TMEM40: variants seen among roughly 807,000 people sequenced by gnomAD.
TMEM40 encodes transmembrane protein 40.
Under a neutral mutation model 40.8 loss-of-function variants are expected in TMEM40, and 34 were observed. The observed-to-expected ratio is 0.83, with a 90% CI of 0.63 to 1.11. The LOEUF is 1.11. Among genes scored for constraint, TMEM40 ranks in the 50% least tolerant of loss-of-function variants. TMEM40 has a pLI of 0.00. For synonymous variants in TMEM40, 106 were observed against 107.0 expected (o/e 0.99, Z 0.06); for missense variants, 296 against 280.2 (o/e 1.06, Z -0.40).
chr3:12,764,592 C>T (rs1051079111), intron 1 of TMEM40, among the ~76,000 whole-genome samples: 4 of 152,192 alleles, frequency 2.6e-5, no homozygotes, highest in African/African-American at 9.7e-5. Flanking sequence ...GTAGCTGATG[C>T]CATTTGAGAT....
rs1478195184 is a variant in TMEM40, at chr3:12,737,756, T to C, written c.425-2A>G. ...TTAACTGAGAGGCCTCCACTTCTCC[T>C]TAAGAACAAGAGAGAGATGAATATT... On this transcript the variant is annotated splice_acceptor_variant, in intron 7 of 11. Transcript: ENST00000314124. LOFTEE classifies it high-confidence loss of function. 2.5e-6 allele frequency: 4 copies of C among 1,613,798 alleles called. No homozygotes were observed. In the East Asian group the frequency reaches 8.9e-5, roughly 36 times the overall value.
In TMEM40 at chr3:12,735,337, C is replaced by T. The variant is rs548221963; in HGVS notation, c.682+218G>A. ...TTCCTCACTTGATCTTCACAACACA[C>T]TTGTGCAGCAGAAAAGTATTACACC... On this transcript the variant is annotated intron_variant, in intron 11 of 11. Transcript: ENST00000314124. Among the ~76,000 whole-genome samples, 497 of 152,350 alleles carry T rather than the reference C, an allele frequency of 3.3e-3. 2 individuals are homozygous for T. Among genetic ancestry groups the T allele is most frequent in the Non-Finnish European group, 5.7e-3 (388 of 68,036 alleles).
chr3:12,740,450 C>T (rs2061373367), intron 5 of TMEM40, among the ~76,000 whole-genome samples: 1 of 151,184 alleles, frequency 6.6e-6, no homozygotes, highest in African/African-American at 2.4e-5. Context: ...GCCTCTAATC[C>T]CAGCACTTTG....
At chr3:12,743,747 T>G (rs1488582246) in intron 4 of TMEM40, among the ~76,000 whole-genome samples, 153 bp downstream of exon 4, 2 of 152,222 alleles carry the variant, frequency 1.3e-5, no homozygotes, top group Non-Finnish European at 2.9e-5. Flanking sequence ...CAGGGCAGGG[T>G]GTAGCATCCT....
chr3:12,758,145 G>C (rs529519455), intron 1 of TMEM40, among the ~76,000 whole-genome samples: 1 of 151,738 alleles, frequency 6.6e-6, no homozygotes, highest in African/African-American at 2.4e-5. Context: ...ATAAGGCAGG[G>C]AGCAGGGCAG....
intron 10 of TMEM40, among the ~76,000 whole-genome samples, chr3:12,736,149 ATT>A (rs553779357): frequency 2.1e-5 from 3 of 141,012 alleles, no homozygotes; most frequent in Non-Finnish European, 1.5e-5. Flanking sequence ...GCATAAGGAA[ATT>A]TTTTTTTTTT....
chr3:12,742,390 C>T (rs1284985967), intron 5 of TMEM40, 64 bp downstream of exon 5: 3 of 1,577,340 alleles, frequency 1.9e-6, no homozygotes, highest in Middle Eastern at 1.7e-4. Flanking sequence ...CTTGTTTCTG[C>T]CCAGCAAAGC....
upstream of TMEM40, among the ~76,000 whole-genome samples, chr3:12,760,744 ATT>A (rs568688148): frequency 8.3e-5 from 12 of 144,030 alleles, no homozygotes; most frequent in East Asian, 2.0e-4. Flanking sequence ...GTGCTCACTA[ATT>A]TTTTTTTTTT....
At chr3:12,743,855 G>A (rs1575734902) in intron 4 of TMEM40, 45 bp downstream of exon 4, 19 of 1,574,692 alleles carry the variant, frequency 1.2e-5, no homozygotes, top group African/African-American at 2.7e-5. Flanking sequence ...GAAACTCAAC[G>A]GTGAGCGAGT....
upstream of TMEM40, among the ~76,000 whole-genome samples, chr3:12,763,644 C>G (rs966452314): frequency 6.6e-6 from 1 of 152,154 alleles, no homozygotes. Flanking sequence ...GACAGCTCAG[C>G]CTCAGTCTCC....
chr3:12,755,276 T>TTTCTTTCTTTCC (rs2061518456), intron 1 of TMEM40, among the ~76,000 whole-genome samples: 1 of 127,742 alleles, frequency 7.8e-6, no homozygotes, highest in Non-Finnish European at 1.6e-5. Context: ...TCTTTCTTTC[T>TTTCTTTCTTTCC]TTCTTTCTTC....
intron 1 of TMEM40, among the ~76,000 whole-genome samples, chr3:12,755,889 A>G (rs183508718): frequency 6.6e-6 from 1 of 152,220 alleles, no homozygotes; most frequent in Non-Finnish European, 1.5e-5. Flanking sequence ...CTTTCACTGA[A>G]TCAGCCCCCT....
intron 7 of TMEM40, 171 bp downstream of exon 7, chr3:12,737,965 T>C (rs965717388): frequency 3.0e-6 from 3 of 1,001,288 alleles, no homozygotes; most frequent in Middle Eastern, 2.3e-4. Context: ...CGAGTCTGCC[T>C]TCCTTTCCAT....
intron 3 of TMEM40, among the ~76,000 whole-genome samples, chr3:12,745,904 CT>C (rs60873625): frequency 0.076 from 11,195 of 146,734 alleles, 1,092 homozygotes; most frequent in African/African-American, 0.23. Context: ...TTTGCTTTTT[CT>C]TTTTTTTTTT....
intron 1 of TMEM40, among the ~76,000 whole-genome samples, chr3:12,753,203 C>CTTTCTT (rs2061491764): frequency 7.8e-6 from 1 of 128,470 alleles, no homozygotes; most frequent in African/African-American, 3.1e-5. Flanking sequence ...TTCTTTCTTT[C>CTTTCTT]TTTCTTTCTT....
intron 11 of TMEM40, 105 bp from the exon 12 acceptor site, chr3:12,734,898 T>G: frequency 1.5e-6 from 2 of 1,355,240 alleles, no homozygotes; most frequent in South Asian, 2.5e-5. Context: ...TGGCATGATG[T>G]AGTCACCCCA....
At chr3:12,762,918 C>T (rs943138598), upstream of TMEM40, among the ~76,000 whole-genome samples, 5 of 152,136 alleles carry the variant, frequency 3.3e-5, no homozygotes, top group African/African-American at 1.2e-4. Flanking sequence ...AATCCCAGCA[C>T]TTTGGGAGGC....
At chr3:12,767,805 C>G (rs2061600811) in intron 1 of TMEM40, among the ~76,000 whole-genome samples, 1 of 152,122 alleles carries the variant, frequency 6.6e-6, no homozygotes, top group South Asian at 2.1e-4. Flanking sequence ...CCTTGAGGAC[C>G]TACTGGGGCT....
intron 1 of TMEM40, among the ~76,000 whole-genome samples, chr3:12,752,720 C>T (rs1408721560): frequency 6.6e-6 from 1 of 151,944 alleles, no homozygotes; most frequent in Non-Finnish European, 1.5e-5. Context: ...ATCACTTGAA[C>T]CCCGGAGGCA....
Sources: gnomAD v4.1 joint callset for allele counts (sites outside exome capture counted in the v4.1 genomes callset) on GRCh38, gnomAD v4.1.1 for gene constraint, MANE v1.5 for transcripts, NCBI Gene and HGNC (gene_info 2026-07-23, HGNC 2026-07-21) for gene names.